DNAJB14: variants seen among roughly 807,000 people sequenced by gnomAD.
The protein encoded by DNAJB14 is DnaJ heat shock protein family (Hsp40) member B14, also known as dnaJ homolog subfamily B member 14.
A neutral mutation model predicts 48.4 loss-of-function variants in DNAJB14; 22 were observed. The ratio of observed to expected loss-of-function variants is 0.45; its 90% CI spans 0.32 to 0.65. The LOEUF is 0.65. Among genes scored for constraint, DNAJB14 ranks in the 30% least tolerant of loss-of-function variants. The pLI is 0.03. For synonymous variants in DNAJB14, 142 were observed against 158.7 expected (o/e 0.89, Z 0.79); for missense variants, 319 against 458.8 (o/e 0.70, Z 2.78).
intron 1 of DNAJB14, 103 bp downstream of exon 1, chr4:99,946,336 C>A: frequency 6.6e-7 from 1 of 1,516,800 alleles, no homozygotes; most frequent in Admixed American, 2.0e-5. Context: ...TCAGACAGGC[C>A]GGGGGCCCCG....
intron 1 of DNAJB14, among the ~76,000 whole-genome samples, chr4:99,937,464 C>T (rs893517517): frequency 1.3e-5 from 2 of 152,142 alleles, no homozygotes; most frequent in African/African-American, 4.8e-5. Flanking sequence ...GTAGCTCACA[C>T]CTGTAATCCC....
At chr4:99,935,671 T>C (rs1042718067) in intron 1 of DNAJB14, among the ~76,000 whole-genome samples, 1 of 151,238 alleles carries the variant, frequency 6.6e-6, no homozygotes, top group African/African-American at 2.4e-5. Flanking sequence ...TTCCCTCTTC[T>C]AATAGAAAAA....
At position 99,900,722 on chromosome 4, in the gene DNAJB14, A is replaced by G. The variant is rs190297884; in HGVS notation, c.*306T>C. The G allele has an allele frequency of 3.3e-4, 68 of 205,266 alleles. No homozygotes were observed. Among genetic ancestry groups the G allele is most frequent in the Non-Finnish European group, 6.0e-4 (62 of 102,960 alleles). The allele number at this position is 205,266 out of a possible 1,614,324, so 12.7% of individuals were successfully genotyped here. A position where few individuals can be genotyped will look rare whatever the true frequency, so the allele number is the denominator to read the frequency against. ...AAATATTTACATGACAAGGGAAAAAATGGAGAATCACTAAAACTGGAAATT... is the reference window on the plus strand; with the variant it reads ...AAATATTTACATGACAAGGGAAAAAGTGGAGAATCACTAAAACTGGAAATT... On this transcript the variant is annotated 3_prime_UTR_variant, in exon 8 of 8. Coordinates refer to ENST00000442697, the MANE Select transcript of DNAJB14 (RefSeq NM_001031723.4).
At chr4:99,935,311 T>C (rs562524271) in intron 1 of DNAJB14, among the ~76,000 whole-genome samples, 1 of 152,272 alleles carries the variant, frequency 6.6e-6, no homozygotes, top group South Asian at 2.1e-4. Context: ...CATAAAACAA[T>C]GGAGTAACAG....
At chr4:99,936,037 C>T (rs561251568) in intron 1 of DNAJB14, among the ~76,000 whole-genome samples, 1 of 152,248 alleles carries the variant, frequency 6.6e-6, no homozygotes, top group Admixed American at 6.5e-5. Flanking sequence ...CACTGCACTC[C>T]AACCTCGGTG....
At chr4:99,912,075 G>T (rs1178385911) in intron 3 of DNAJB14, among the ~76,000 whole-genome samples, 1 of 152,114 alleles carries the variant, frequency 6.6e-6, no homozygotes, top group African/African-American at 2.4e-5. Flanking sequence ...TTTCGTCAGG[G>T]TTAATTTTTT....
chr4:99,902,658 G>A (rs1249996531), intron 7 of DNAJB14, among the ~76,000 whole-genome samples: 1 of 152,144 alleles, frequency 6.6e-6, no homozygotes, highest in Non-Finnish European at 1.5e-5. Flanking sequence ...CATTCACTAT[G>A]TGTGAAGTAC....
chr4:99,919,219 T>C (rs1725962442), intron 3 of DNAJB14, among the ~76,000 whole-genome samples: 1 of 152,112 alleles, frequency 6.6e-6, no homozygotes, highest in Non-Finnish European at 1.5e-5. Flanking sequence ...CTTGGGGCTT[T>C]TCTGTCTATA....
intron 1 of DNAJB14, among the ~76,000 whole-genome samples, chr4:99,936,026 C>T (rs1726661357): frequency 6.6e-6 from 1 of 152,148 alleles, no homozygotes; most frequent in Non-Finnish European, 1.5e-5. Context: ...CATGATTGTG[C>T]CACTGCACTC....
At chr4:99,939,486 C>A (rs915681572) in intron 1 of DNAJB14, among the ~76,000 whole-genome samples, 1 of 152,246 alleles carries the variant, frequency 6.6e-6, no homozygotes, top group Admixed American at 6.5e-5. Flanking sequence ...AACATGTTCT[C>A]CCATGGTTCC....
chr4:99,920,817 T>C (rs772271692), intron 3 of DNAJB14, among the ~76,000 whole-genome samples: 7 of 152,240 alleles, frequency 4.6e-5, no homozygotes, highest in Non-Finnish European at 7.3e-5. Context: ...CTTCTTTTTC[T>C]ATTCTTGAAG....
chr4:99,901,281 C>T, intron 7 of DNAJB14, 129 bp from the exon 8 acceptor site: 1 of 899,688 alleles, frequency 1.1e-6, no homozygotes, highest in Non-Finnish European at 1.6e-6. Flanking sequence ...AATCAAAGTA[C>T]AATTCCTAAA....
chr4:99,935,985 T>C (rs1726660181), intron 1 of DNAJB14, among the ~76,000 whole-genome samples: 1 of 152,156 alleles, frequency 6.6e-6, no homozygotes, highest in Non-Finnish European at 1.5e-5. Flanking sequence ...GGAGAATCAC[T>C]TGAACCCAAG....
intron 3 of DNAJB14, 135 bp downstream of exon 3, chr4:99,922,905 T>C: frequency 9.6e-7 from 1 of 1,037,106 alleles, no homozygotes; most frequent in South Asian, 2.0e-5. Context: ...ACTGAAGTTT[T>C]AAAGGATTTT....
chr4:99,920,010 G>GGACT, intron 3 of DNAJB14, among the ~76,000 whole-genome samples: 1 of 152,142 alleles, frequency 6.6e-6, no homozygotes, highest in African/African-American at 2.4e-5. Flanking sequence ...GACTTCTGTA[G>GGACT]TCTGTTTTGG....
At chr4:99,943,250 T>C (rs886684873) in intron 1 of DNAJB14, among the ~76,000 whole-genome samples, 40 of 152,062 alleles carry the variant, frequency 2.6e-4, no homozygotes, top group Admixed American at 2.1e-3. Context: ...TGAACTAAGG[T>C]TTTTGGACTA....
chr4:99,914,388 G>A (rs369751869), intron 3 of DNAJB14, among the ~76,000 whole-genome samples: 21 of 152,024 alleles, frequency 1.4e-4, no homozygotes, highest in Non-Finnish European at 2.9e-4. Flanking sequence ...GCAAACTATC[G>A]CAAGGACAAA....
intron 2 of DNAJB14, chr4:99,924,692 C>A: frequency 6.3e-7 from 1 of 1,596,062 alleles, no homozygotes; most frequent in Non-Finnish European, 8.5e-7. Context: ...GAGACTCATT[C>A]TCCTAGAAAT....
intron 4 of DNAJB14, among the ~76,000 whole-genome samples, chr4:99,908,324 T>C (rs996114087): frequency 2.6e-5 from 4 of 152,158 alleles, no homozygotes; most frequent in Non-Finnish European, 5.9e-5. Flanking sequence ...TATAATGTTA[T>C]TGATAAAATA....
Sources: allele counts gnomAD v4.1 joint callset (sites outside exome capture counted in the v4.1 genomes callset), GRCh38; gene constraint gnomAD v4.1.1; transcripts MANE v1.5; gene names NCBI Gene and HGNC (gene_info 2026-07-23, HGNC 2026-07-21).